Variants in PTPRK observed in about 807,000 individuals in gnomAD.
The protein encoded by PTPRK is protein tyrosine phosphatase receptor type K, also known as receptor-type tyrosine-protein phosphatase kappa.
PTPRK carries 75 observed loss-of-function variants against 178.0 expected under a neutral mutation model. The ratio of observed to expected loss-of-function variants is 0.42; its 90% CI spans 0.35 to 0.51. PTPRK has a LOEUF of 0.51. PTPRK is among the 20% of genes least tolerant of loss of function. The pLI is 0.02. For missense variants in PTPRK, 1,441 were observed against 1,797.8 expected (o/e 0.80, Z 3.59); for synonymous variants, 637 against 620.6 (o/e 1.03, Z -0.39).
chr6:128,238,250 G>T, intron 5 of PTPRK: 1 of 370,522 alleles, frequency 2.7e-6, no homozygotes. Flanking sequence ...CAACATAGAA[G>T]TTTCATAGAA....
chr6:128,352,268 A>AAAG (rs1267246483), intron 2 of PTPRK, among the ~76,000 whole-genome samples: 6 of 151,304 alleles, frequency 4.0e-5, no homozygotes, highest in African/African-American at 1.5e-4. Flanking sequence ...AAAAAAAAAA[A>AAAG]AAAGAAATAT....
chr6:128,052,562 A>C (rs866089993), intron 13 of PTPRK, among the ~76,000 whole-genome samples: 3 of 152,162 alleles, frequency 2.0e-5, no homozygotes, highest in African/African-American at 7.2e-5. Flanking sequence ...AAGGATATAC[A>C]TCTTTGGTTG....
chr6:128,211,055 T>C (rs940735684), intron 6 of PTPRK, among the ~76,000 whole-genome samples: 4 of 152,214 alleles, frequency 2.6e-5, no homozygotes, highest in Admixed American at 6.6e-5. Context: ...ATAAATTATA[T>C]CCTAAAGTGT....
chr6:128,356,659 T>G (rs2128339980), intron 2 of PTPRK, among the ~76,000 whole-genome samples: 1 of 152,348 alleles, frequency 6.6e-6, no homozygotes, highest in Non-Finnish European at 1.5e-5. Flanking sequence ...TTAGGTTTCT[T>G]TTCTTTCTCA....
chr6:128,080,111 A>T (rs552038117), intron 10 of PTPRK, among the ~76,000 whole-genome samples: 8 of 152,074 alleles, frequency 5.3e-5, no homozygotes, highest in East Asian at 1.9e-4. Flanking sequence ...GCCAAATATT[A>T]AAAAAAGGGT....
At chr6:128,220,507 A>T (rs548693847) in intron 5 of PTPRK, among the ~76,000 whole-genome samples, 49 of 152,316 alleles carry the variant, frequency 3.2e-4, no homozygotes, top group Middle Eastern at 3.4e-3. Context: ...ATATCACTTC[A>T]TAGGGCTATA....
chr6:127,994,632 T>G (rs923127827), intron 18 of PTPRK, among the ~76,000 whole-genome samples: 8 of 151,846 alleles, frequency 5.3e-5, no homozygotes, highest in Non-Finnish European at 8.8e-5. Context: ...TTAAGAATAT[T>G]CTATATTTTG....
chr6:127,985,426 T>C (rs1775840106), intron 22 of PTPRK, among the ~76,000 whole-genome samples: 1 of 152,126 alleles, frequency 6.6e-6, no homozygotes, highest in Non-Finnish European at 1.5e-5. Context: ...CAATATGGGA[T>C]TTGCAAAAGT....
intron 1 of PTPRK, among the ~76,000 whole-genome samples, chr6:128,504,822 T>A (rs933791908): frequency 3.9e-5 from 6 of 152,188 alleles, no homozygotes; most frequent in African/African-American, 1.4e-4. Flanking sequence ...TACTATCTAG[T>A]GTTTTCATTA....
In PTPRK at chr6:127,991,375, T is replaced by A. The variant is rs2114661472; in HGVS notation, c.2898A>T (p.Thr966=). ...YIATQGPVHE[T]VYDFWRMIWQ... ...AAATCATCCTCCAGAAATCATACAC[T>A]GTTTCATGAACGGGACCTACAAAGA... The change falls in exon 20 of 30, where the codon ACA becomes ACT. Residue 966 remains threonine (T), a synonymous_variant. Transcript: ENST00000368226. 6.3e-7 allele frequency: 1 copy of A among 1,590,252 alleles called. No homozygotes were observed. The highest frequency in any genetic ancestry group is 2.3e-5 in the East Asian group (1 of 43,742).
chr6:128,320,251 ATAG>A (rs1176697246), intron 3 of PTPRK, among the ~76,000 whole-genome samples: 1 of 152,218 alleles, frequency 6.6e-6, no homozygotes, highest in African/African-American at 2.4e-5. Context: ...CTGTAACTTA[ATAG>A]TAGAATTAAC....
At chr6:128,110,172 T>C (rs1021066358) in intron 7 of PTPRK, among the ~76,000 whole-genome samples, 1 of 152,100 alleles carries the variant, frequency 6.6e-6, no homozygotes, top group Non-Finnish European at 1.5e-5. Flanking sequence ...AGTCCTCCCA[T>C]CTTGGTCTCC....
intron 3 of PTPRK, among the ~76,000 whole-genome samples, chr6:128,279,830 T>C (rs1197261504): frequency 1.3e-5 from 2 of 152,182 alleles, no homozygotes; most frequent in African/African-American, 4.8e-5. Flanking sequence ...ACGCCCTTAT[T>C]ATTAACAACT....
chr6:128,174,675 T>C (rs1457498642), intron 7 of PTPRK, among the ~76,000 whole-genome samples: 1 of 151,888 alleles, frequency 6.6e-6, no homozygotes, highest in Non-Finnish European at 1.5e-5. Context: ...CAGGTTCAGT[T>C]ATTGATTTTT....
intron 2 of PTPRK, among the ~76,000 whole-genome samples, chr6:128,325,523 C>T (rs1190083297): frequency 6.6e-6 from 1 of 151,994 alleles, no homozygotes; most frequent in African/African-American, 2.4e-5. Flanking sequence ...TATGAACAGA[C>T]ACTTTTCAAA....
intron 7 of PTPRK, among the ~76,000 whole-genome samples, chr6:128,128,333 C>A (rs990196361): frequency 6.6e-6 from 1 of 152,116 alleles, no homozygotes; most frequent in Non-Finnish European, 1.5e-5. Context: ...AATCTCACCC[C>A]ACCCTCCCAG....
chr6:128,047,692 G>A (rs1202161992), intron 13 of PTPRK, among the ~76,000 whole-genome samples: 1 of 152,080 alleles, frequency 6.6e-6, no homozygotes, highest in East Asian at 1.9e-4. Flanking sequence ...GCAATCATTT[G>A]TGAAATACCT....
At chr6:128,370,876 C>A (rs1012526675) in intron 2 of PTPRK, among the ~76,000 whole-genome samples, 4 of 152,256 alleles carry the variant, frequency 2.6e-5, no homozygotes, top group Middle Eastern at 6.8e-3. Context: ...CAAGCAATAG[C>A]ACCAACACTA....
chr6:128,093,526 C>T (rs1787350254), intron 7 of PTPRK, among the ~76,000 whole-genome samples: 1 of 125,252 alleles, frequency 8.0e-6, no homozygotes, highest in Non-Finnish European at 1.6e-5. Flanking sequence ...ACCCTGGAGG[C>T]AGAGTTTGCA....
Sources: allele counts gnomAD v4.1 joint callset (sites outside exome capture counted in the v4.1 genomes callset), GRCh38; gene constraint gnomAD v4.1.1; transcripts MANE v1.5; gene names NCBI Gene and HGNC (gene_info 2026-07-23, HGNC 2026-07-21).